Variants in SLC25A44 observed in about 807,000 individuals in gnomAD.
SLC25A44 encodes the protein solute carrier family 25 member 44.
In SLC25A44, 17 loss-of-function variants were observed where a neutral mutation model predicts 29.9. The ratio of observed to expected loss-of-function variants is 0.57; its 90% CI spans 0.39 to 0.85. SLC25A44 has a LOEUF of 0.85. Ranked by LOEUF, SLC25A44 falls within the 40% of genes least tolerant of loss-of-function variation. The pLI, the probability that SLC25A44 is intolerant of heterozygous loss-of-function variation, is 0.00. For synonymous variants in SLC25A44, 140 were observed against 151.8 expected (o/e 0.92, Z 0.57); for missense variants, 302 against 398.4 (o/e 0.76, Z 2.06).
At chr1:156,208,472 A>T (rs146247531) in intron 3 of SLC25A44, among the ~76,000 whole-genome samples, 1,527 of 152,262 alleles carry the variant, frequency 0.01, 10 homozygotes, top group African/African-American at 0.017. Flanking sequence ...GTCTCAAAAA[A>T]AAATAAATAA....
intron 2 of SLC25A44, among the ~76,000 whole-genome samples, chr1:156,201,625 TTCC>T (rs548105053): frequency 1.3e-3 from 201 of 152,102 alleles, no homozygotes; most frequent in Non-Finnish European, 2.1e-3. Context: ...TTCTTCCTTC[TTCC>T]TCCTCCTCTT....
At chr1:156,205,483 T>C (rs1656881699) in intron 2 of SLC25A44, among the ~76,000 whole-genome samples, 1 of 152,166 alleles carries the variant, frequency 6.6e-6, no homozygotes, top group Admixed American at 6.5e-5. Context: ...CTCGAACACT[T>C]GCTGTATGCT....
At chr1:156,200,718 CTG>C (rs1388974885) in intron 2 of SLC25A44, among the ~76,000 whole-genome samples, 2 of 152,006 alleles carry the variant, frequency 1.3e-5, no homozygotes, top group East Asian at 3.9e-4. Flanking sequence ...AGCATATGCT[CTG>C]TGTGCTTTGG....
intron 2 of SLC25A44, 89 bp downstream of exon 2, chr1:156,200,561 G>A: frequency 8.2e-7 from 1 of 1,220,338 alleles, no homozygotes; most frequent in Non-Finnish European, 1.1e-6. Flanking sequence ...GAGTGGAGGT[G>A]AGATTTAATG....
At position 156,210,581 on chromosome 1, in the gene SLC25A44, G is replaced by C; in HGVS notation, c.*150G>C. 2.1e-6 allele frequency: 1 copy of C among 474,542 alleles called. No homozygotes were observed. Among genetic ancestry groups the C allele is most frequent in the Non-Finnish European group, 3.7e-6 (1 of 269,550 alleles). The allele number at this position is 474,542 out of a possible 1,614,324, so 29.4% of individuals were successfully genotyped here. ...TATCTGGGATAGGGATAGAGACTTT[G>C]AACTGCTCTTGCTGAAGAGGCTCCA... On this transcript the variant is annotated 3_prime_UTR_variant, in exon 4 of 4. Coordinates refer to ENST00000359511, the MANE Select transcript of SLC25A44 (RefSeq NM_014655.4).
rs1657220458 is a variant in SLC25A44, at chr1:156,210,377, G to A, written c.891G>A (p.Glu297=). 3.1e-6 allele frequency: 5 copies of A among 1,605,540 alleles called. No homozygotes were observed. The highest frequency in any genetic ancestry group is 1.1e-5 in the South Asian group (1 of 89,536). Residue 297 remains glutamate (E), a synonymous_variant, in exon 4 of 4, where the codon GAG becomes GAA. Transcript: ENST00000359511. The part of the protein sequence containing the change: ...PSTIVIVVGY[E]SLKKLSLRPE... ...CCATTGTCATTGTGGTGGGCTATGA[G>A]AGCCTCAAGAAACTCAGCCTCCGAC... is the stretch of plus-strand genomic sequence containing the variant.
At chr1:156,204,030 G>A (rs1656771355) in intron 2 of SLC25A44, among the ~76,000 whole-genome samples, 1 of 139,230 alleles carries the variant, frequency 7.2e-6, no homozygotes, top group Admixed American at 7.4e-5. Flanking sequence ...TTTTTGAGAT[G>A]GAGTTTTGCT....
At chr1:156,195,790 A>G (rs1486597147) in intron 1 of SLC25A44, among the ~76,000 whole-genome samples, 2 of 152,182 alleles carry the variant, frequency 1.3e-5, no homozygotes, top group Non-Finnish European at 2.9e-5. Context: ...TCTAGGTGAC[A>G]CTACCTTCTC....
chr1:156,197,511 C>T (rs1656287529), intron 1 of SLC25A44: 2 of 152,280 alleles, frequency 1.3e-5, no homozygotes, highest in Non-Finnish European at 2.9e-5. Flanking sequence ...GTAATCCTAG[C>T]ACTTTGGGAA....
chr1:156,203,497 T>G (rs1319937699), intron 2 of SLC25A44, among the ~76,000 whole-genome samples: 1 of 152,204 alleles, frequency 6.6e-6, no homozygotes, highest in Non-Finnish European at 1.5e-5. Flanking sequence ...GCATCTATTA[T>G]TAAGTACTCA....
intron 2 of SLC25A44, among the ~76,000 whole-genome samples, chr1:156,205,037 G>A (rs1656841799): frequency 3.3e-5 from 5 of 151,694 alleles, no homozygotes; most frequent in South Asian, 4.2e-4. Context: ...CTAGGAGCAT[G>A]AGGAAAAAAT....
intron 1 of SLC25A44, chr1:156,199,554 C>G: frequency 2.3e-6 from 1 of 430,688 alleles, no homozygotes; most frequent in Non-Finnish European, 4.2e-6. Context: ...GCCGAGGAGG[C>G]CATGGAGCCA....
At chr1:156,202,512 C>T (rs1365742444) in intron 2 of SLC25A44, among the ~76,000 whole-genome samples, 1 of 152,172 alleles carries the variant, frequency 6.6e-6, no homozygotes, top group Non-Finnish European at 1.5e-5. Flanking sequence ...CTCCTACCAC[C>T]GTGTTTTGTT....
Position 156,200,166 on chromosome 1 carries a change from A to G in SLC25A44, c.319A>G (p.Ser107Gly). 1 of 1,614,218 alleles carries G rather than the reference A, an allele frequency of 6.2e-7. No individual in the cohort carries two copies. The highest frequency in any genetic ancestry group is 8.5e-7 in the Non-Finnish European group (1 of 1,180,034). ...TRKFVADYSQSNTVKSLVAGG... is the reference protein window; with the variant it reads ...TRKFVADYSQGNTVKSLVAGG... ...GAAGTTTGTAGCTGACTACAGCCAG[A>G]GTAACACAGTCAAATCACTGGTGGC... Residue 107 changes from serine to glycine, a missense_variant, in exon 2 of 4, where the codon AGT becomes GGT. Transcript: ENST00000359511.
chr1:156,208,098 C>T, intron 3 of SLC25A44, 85 bp downstream of exon 3: 1 of 1,199,892 alleles, frequency 8.3e-7, no homozygotes, highest in Non-Finnish European at 1.2e-6. Context: ...GCCCTGACCT[C>T]TTTGTGTCCT....
chr1:156,199,911 G>A lies in SLC25A44; in HGVS notation c.64G>A (p.Val22Met), dbSNP rs778030081. 6 of 1,614,168 alleles carry A rather than the reference G, an allele frequency of 3.7e-6. No individual in the cohort carries two copies. The Admixed American group carries it at 5.0e-5, about 13-fold the overall frequency. Reference protein sequence around the residue: ...WEHLDKKKFYVFGVAMTMMIR... With the variant: ...WEHLDKKKFYMFGVAMTMMIR... The stretch of plus-strand genomic sequence containing the variant: ...ACACCTGGACAAGAAGAAGTTCTAC[G>A]TGTTTGGTGTGGCAATGACAATGAT... Residue 22 changes from valine to methionine, a missense_variant, in exon 2 of 4, where the codon GTG becomes ATG. Coordinates refer to ENST00000359511, the MANE Select transcript of SLC25A44 (RefSeq NM_014655.4).
Position 156,211,412 on chromosome 1 carries a change from A to G in SLC25A44, c.*981A>G, listed in dbSNP as rs1320267329. 6.6e-6 allele frequency: 1 copy of G among 152,488 alleles called. No homozygotes were observed. The highest frequency in any genetic ancestry group is 6.5e-5 in the Admixed American group (1 of 15,284). The allele number at this position is 152,488 out of a possible 1,614,324, so 9.4% of individuals were successfully genotyped here. A position where few individuals can be genotyped will look rare whatever the true frequency, so the allele number is the denominator to read the frequency against. On this transcript the variant is annotated 3_prime_UTR_variant, in exon 4 of 4. Transcript: ENST00000359511. The stretch of plus-strand genomic sequence containing the variant: ...GGCAACAAGTGGGCATGTGTTCCCC[A>G]GCACATTACCCAGGCCAGCAGAGCC...
rs1657374595 is a variant in SLC25A44 at position 156,212,193 on chromosome 1, T to G, written c.*1762T>G. On this transcript the variant is annotated 3_prime_UTR_variant, in exon 4 of 4. Coordinates refer to ENST00000359511, the MANE Select transcript of SLC25A44 (RefSeq NM_014655.4). The stretch of plus-strand genomic sequence containing the variant: ...TGCTTAACCCTGAGAACCACAAATA[T>G]AATGGAAGCAGTTCCCCCCACCCTC... The G allele has an allele frequency of 6.6e-6, 1 of 152,280 alleles. No individual in the cohort carries two copies. The highest frequency in any genetic ancestry group is 1.5e-5 in the Non-Finnish European group (1 of 68,028). 9.4% of individuals were successfully genotyped at this position (152,280 alleles called of 1,614,324 possible).
chr1:156,209,296 G>A (rs1401089000), intron 3 of SLC25A44, among the ~76,000 whole-genome samples: 1 of 152,178 alleles, frequency 6.6e-6, no homozygotes, highest in Non-Finnish European at 1.5e-5. Context: ...AGACCCAGAG[G>A]CATAGGTGAA....
Sources: allele counts gnomAD v4.1 joint callset (sites outside exome capture counted in the v4.1 genomes callset), GRCh38; gene constraint gnomAD v4.1.1; transcripts MANE v1.5; gene names NCBI Gene and HGNC (gene_info 2026-07-23, HGNC 2026-07-21).